Variants in UST observed in about 807,000 individuals in gnomAD.
UST encodes the protein chondroitin sulfate 2-O-sulfotransferase.
UST carries 21 observed loss-of-function variants against 45.6 expected under a neutral mutation model. That is an observed-to-expected ratio of 0.46 (90% CI 0.33 to 0.66). The LOEUF is 0.66. UST is among the 30% of genes least tolerant of loss of function. The pLI, the probability that UST is intolerant of heterozygous loss-of-function variation, is 0.02. For missense variants in UST, 463 were observed against 512.4 expected (o/e 0.90, Z 0.93); for synonymous variants, 215 against 200.6 (o/e 1.07, Z -0.61).
At chr6:148,977,249 T>C (rs904697469) in intron 5 of UST, among the ~76,000 whole-genome samples, 3 of 151,800 alleles carry the variant, frequency 2.0e-5, no homozygotes, top group African/African-American at 7.2e-5. Flanking sequence ...TATATTTATA[T>C]ATATACACAC....
At chr6:148,765,828 G>A (rs1422470072) in intron 1 of UST, among the ~76,000 whole-genome samples, 1 of 152,194 alleles carries the variant, frequency 6.6e-6, no homozygotes, top group Non-Finnish European at 1.5e-5. Flanking sequence ...TCCGTTCGGG[G>A]TCCCTGACTT....
At chr6:148,803,117 T>C (rs1433908870) in intron 1 of UST, among the ~76,000 whole-genome samples, 2 of 152,156 alleles carry the variant, frequency 1.3e-5, no homozygotes, top group Non-Finnish European at 2.9e-5. Context: ...TGGAATAAGA[T>C]GATACTGTTG....
intron 2 of UST, among the ~76,000 whole-genome samples, chr6:148,901,857 C>T (rs893130645): frequency 2.6e-5 from 4 of 152,178 alleles, no homozygotes; most frequent in Non-Finnish European, 4.4e-5. Flanking sequence ...CTGCGCCTGG[C>T]TGACTTGTGT....
chr6:148,803,285 C>T (rs986245679), intron 1 of UST, among the ~76,000 whole-genome samples: 1 of 152,256 alleles, frequency 6.6e-6, no homozygotes, highest in Non-Finnish European at 1.5e-5. Context: ...AAACCTTAGG[C>T]ATGGTATCAA....
intron 1 of UST, among the ~76,000 whole-genome samples, chr6:148,765,288 T>C (rs1776301706): frequency 1.3e-5 from 2 of 152,224 alleles, no homozygotes; most frequent in Non-Finnish European, 2.9e-5. Context: ...TATGTGGCTT[T>C]ATTTCTGGGT....
chr6:148,865,741 G>A (rs970375876), intron 1 of UST, among the ~76,000 whole-genome samples: 2 of 151,240 alleles, frequency 1.3e-5, no homozygotes, highest in Non-Finnish European at 2.9e-5. Context: ...AAATTAATGT[G>A]GCTTAGAGTG....
chr6:149,046,120 A>T (rs1462291501), intron 7 of UST, among the ~76,000 whole-genome samples: 1 of 152,200 alleles, frequency 6.6e-6, no homozygotes, highest in East Asian at 1.9e-4. Context: ...TGCACTTAGA[A>T]CATACCTGTG....
At chr6:148,753,515 C>T (rs762845068) in intron 1 of UST, among the ~76,000 whole-genome samples, 7 of 151,718 alleles carry the variant, frequency 4.6e-5, no homozygotes, top group African/African-American at 1.5e-4. Context: ...TTTTTTATTG[C>T]GGAATAAAAT....
At chr6:148,766,213 C>T (rs902140302) in intron 1 of UST, among the ~76,000 whole-genome samples, 13 of 152,080 alleles carry the variant, frequency 8.5e-5, no homozygotes, top group African/African-American at 3.1e-4. Context: ...TTCCCTGTCA[C>T]CTTGTCAGAA....
At chr6:149,026,355 G>T (rs1485762627) in intron 7 of UST, among the ~76,000 whole-genome samples, 1 of 152,134 alleles carries the variant, frequency 6.6e-6, no homozygotes, top group Non-Finnish European at 1.5e-5. Flanking sequence ...ACTGAAGCCA[G>T]CCCAGAGAAG....
chr6:148,768,692 T>A (rs1486027250), intron 1 of UST, among the ~76,000 whole-genome samples: 1 of 152,254 alleles, frequency 6.6e-6, no homozygotes, highest in African/African-American at 2.4e-5. Context: ...TTGAATGATA[T>A]CCTTCTTTAA....
At chr6:149,049,991 C>G (rs569840834) in intron 7 of UST, among the ~76,000 whole-genome samples, 1 of 149,804 alleles carries the variant, frequency 6.7e-6, no homozygotes. Flanking sequence ...TATACAGAAG[C>G]TATAAAATGT....
intron 1 of UST, among the ~76,000 whole-genome samples, chr6:148,883,339 C>CTGAGGTGCTA (rs1446347041): frequency 6.6e-6 from 1 of 152,194 alleles, no homozygotes; most frequent in African/African-American, 2.4e-5. Context: ...GACATCCAAG[C>CTGAGGTGCTA]TGAGGTGCTA....
At chr6:148,776,945 T>G (rs1776546545) in intron 1 of UST, among the ~76,000 whole-genome samples, 1 of 152,216 alleles carries the variant, frequency 6.6e-6, no homozygotes, top group Non-Finnish European at 1.5e-5. Context: ...GTGTGGTCCC[T>G]TGGCCTTGTC....
chr6:148,788,538 C>G (rs1167677086), intron 1 of UST, among the ~76,000 whole-genome samples: 2 of 152,162 alleles, frequency 1.3e-5, no homozygotes, highest in African/African-American at 4.8e-5. Context: ...TGCTTACATT[C>G]ATAAACTTGA....
chr6:149,074,258 G>C lies in UST; in HGVS notation c.*142G>C. On this transcript the variant is annotated 3_prime_UTR_variant, in exon 8 of 8. Transcript: ENST00000367463. ...TTCCCACATGTTGGGGTCATTGGGA[G>C]ATGCCCGGTTTTGCGGGTTTTATTT... 1.1e-6 allele frequency: 1 copy of C among 917,476 alleles called. No homozygotes were observed. The highest frequency in any genetic ancestry group is 1.6e-6 in the Non-Finnish European group (1 of 617,066). The allele number at this position is 917,476 out of a possible 1,614,324, so 56.8% of individuals were successfully genotyped here. A position where few individuals can be genotyped will look rare whatever the true frequency, so the allele number is the denominator to read the frequency against.
intron 1 of UST, among the ~76,000 whole-genome samples, chr6:148,756,020 C>A (rs966819726): frequency 7.5e-6 from 1 of 132,540 alleles, no homozygotes; most frequent in African/African-American, 2.9e-5. Flanking sequence ...CCCCACCCCA[C>A]GACAGGCCCC....
intron 7 of UST, among the ~76,000 whole-genome samples, chr6:149,042,283 G>T (rs1157427750): frequency 1.3e-5 from 2 of 152,154 alleles, no homozygotes; most frequent in South Asian, 2.1e-4. Flanking sequence ...TTTGTAGGAA[G>T]TATGTTCTTT....
At chr6:148,881,861 A>T (rs577515936) in intron 1 of UST, among the ~76,000 whole-genome samples, 1 of 152,296 alleles carries the variant, frequency 6.6e-6, no homozygotes, top group South Asian at 2.1e-4. Context: ...AAATTCTGAC[A>T]GTTTTGTTGA....
Sources: allele counts gnomAD v4.1 joint callset (sites outside exome capture counted in the v4.1 genomes callset), GRCh38; gene constraint gnomAD v4.1.1; transcripts MANE v1.5; gene names NCBI Gene and HGNC (gene_info 2026-07-23, HGNC 2026-07-21).